PRKG1: variants seen among roughly 807,000 people sequenced by gnomAD.
PRKG1 encodes the protein cGMP-dependent protein kinase 1.
In PRKG1, 35 loss-of-function variants were observed where a neutral mutation model predicts 88.1. That is an observed-to-expected ratio of 0.40 (90% CI 0.30 to 0.53). The LOEUF (loss-of-function observed/expected upper bound fraction) is 0.53, where lower values mean the gene tolerates loss of function less well. PRKG1 is among the 20% of genes least tolerant of loss of function. The probability of loss-of-function intolerance (pLI) is 0.59; values close to 1 mark genes in which losing one functional copy is unlikely to be tolerated. For synonymous variants in PRKG1, 303 were observed against 292.5 expected, an observed-to-expected ratio of 1.04 and a Z score of -0.37; for missense variants, 540 against 839.8, an observed-to-expected ratio of 0.64 and a Z score of 4.41.
At chr10:52,231,552 T>C (rs1840522953) in intron 9 of PRKG1, among the ~76,000 whole-genome samples, 1 of 152,214 alleles carries the variant, frequency 6.6e-6, no homozygotes. Context: ...TGAAGAGTCT[T>C]TTGCTTATTA....
intron 4 of PRKG1, among the ~76,000 whole-genome samples, chr10:51,862,284 G>A (rs1296886711): frequency 2.0e-5 from 3 of 152,146 alleles, no homozygotes; most frequent in Admixed American, 1.3e-4. Context: ...CTCAGTAAAC[G>A]GGAGCTTGTG....
At chr10:51,733,712 C>G (rs1430163969) in intron 3 of PRKG1, among the ~76,000 whole-genome samples, 1 of 152,122 alleles carries the variant, frequency 6.6e-6, no homozygotes, top group Non-Finnish European at 1.5e-5. Flanking sequence ...ATACTGAGCT[C>G]GGCCATAAGT....
At chr10:52,047,524 A>G (rs778243912) in intron 5 of PRKG1, among the ~76,000 whole-genome samples, 2 of 152,158 alleles carry the variant, frequency 1.3e-5, no homozygotes, top group African/African-American at 2.4e-5. Flanking sequence ...AAGGATAGCA[A>G]TGGTGAGAAT....
At chr10:51,172,600 C>CTATGTATG (rs34401585) in intron 2 of PRKG1, among the ~76,000 whole-genome samples, 4 of 141,528 alleles carry the variant, frequency 2.8e-5, no homozygotes, top group Non-Finnish European at 6.2e-5. Context: ...CTATGTCTGT[C>CTATGTATG]TATGTATGTA....
intron 2 of PRKG1, among the ~76,000 whole-genome samples, chr10:51,410,258 G>GTGTA (rs752171833): frequency 1.6e-4 from 23 of 145,534 alleles, no homozygotes; most frequent in Non-Finnish European, 2.2e-4. Context: ...GTGTGTGTGT[G>GTGTA]TATATATATA....
chr10:51,884,154 T>C (rs1196284836), intron 4 of PRKG1, among the ~76,000 whole-genome samples: 3 of 151,630 alleles, frequency 2.0e-5, no homozygotes, highest in South Asian at 4.2e-4. Context: ...AGATTAATTA[T>C]AAGAAAAGTT....
chr10:51,269,355 C>T (rs1216784403), intron 2 of PRKG1, among the ~76,000 whole-genome samples: 1 of 152,044 alleles, frequency 6.6e-6, no homozygotes, highest in Non-Finnish European at 1.5e-5. Context: ...CCATTTAATC[C>T]ACTACTGGGT....
chr10:51,987,383 A>G (rs917126979), intron 5 of PRKG1, among the ~76,000 whole-genome samples: 2 of 152,090 alleles, frequency 1.3e-5, no homozygotes, highest in South Asian at 2.1e-4. Flanking sequence ...AAGGTTCAAG[A>G]AGGAAAACAA....
chr10:51,303,779 C>A (rs1288140422), intron 2 of PRKG1, among the ~76,000 whole-genome samples: 3 of 151,706 alleles, frequency 2.0e-5, no homozygotes, highest in Non-Finnish European at 4.4e-5. Context: ...AACTATTTTT[C>A]AATTTTAAAA....
intron 7 of PRKG1, among the ~76,000 whole-genome samples, chr10:52,079,104 C>A (rs1248704403): frequency 1.3e-5 from 2 of 152,236 alleles, no homozygotes; most frequent in African/African-American, 2.4e-5. Flanking sequence ...CAGGCTTGAA[C>A]ATTAAGGACA....
chr10:51,053,049 G>A (rs1328102559), intron 1 of PRKG1, among the ~76,000 whole-genome samples: 1 of 152,048 alleles, frequency 6.6e-6, no homozygotes, highest in Non-Finnish European at 1.5e-5. Flanking sequence ...GGCCAACATA[G>A]TGAAACCCCG....
intron 3 of PRKG1, among the ~76,000 whole-genome samples, chr10:51,520,065 A>G (rs1425902875): frequency 2.6e-5 from 4 of 152,124 alleles, no homozygotes; most frequent in Admixed American, 6.5e-5. Context: ...CTATATTAAC[A>G]AATCCTGGTA....
chr10:51,653,852 G>A (rs1840099802), intron 3 of PRKG1, among the ~76,000 whole-genome samples: 1 of 152,186 alleles, frequency 6.6e-6, no homozygotes, highest in Non-Finnish European at 1.5e-5. Flanking sequence ...ACAGGCATGA[G>A]CCACCACAGC....
chr10:51,684,442 T>A (rs1434174313), intron 3 of PRKG1, among the ~76,000 whole-genome samples: 1 of 152,066 alleles, frequency 6.6e-6, no homozygotes, highest in African/African-American at 2.4e-5. Context: ...AACCATTACA[T>A]TGGATGCTTT....
chr10:52,292,816 C>A (rs1842282854), intron 17 of PRKG1, among the ~76,000 whole-genome samples: 1 of 151,664 alleles, frequency 6.6e-6, no homozygotes, highest in South Asian at 2.1e-4. Flanking sequence ...ACTGAATGGG[C>A]AAAAACTGGA....
intron 2 of PRKG1, among the ~76,000 whole-genome samples, chr10:51,425,261 T>C (rs1364134850): frequency 1.3e-5 from 2 of 152,240 alleles, no homozygotes; most frequent in South Asian, 2.1e-4. Context: ...TTATTAATGT[T>C]TCTGATCATT....
Position 51,074,919 on chromosome 10 carries a change from G to T in PRKG1, c.311+18G>T. The T allele has an allele frequency of 1.3e-6, 2 of 1,578,158 alleles. No individual in the cohort carries two copies. Among genetic ancestry groups the T allele is most frequent in the Non-Finnish European group, 1.7e-6 (2 of 1,157,566 alleles). On this transcript the variant is annotated intron_variant, in intron 1 of 17. Coordinates refer to ENST00000373980, the MANE Select transcript of PRKG1 (RefSeq NM_006258.4). ...AGCCCACAGTAAGCAGGGGTGACGCGCCGGGTCCATGTGGCGCCCTGGCGA... is the reference window on the plus strand; with the variant it reads ...AGCCCACAGTAAGCAGGGGTGACGCTCCGGGTCCATGTGGCGCCCTGGCGA...
intron 7 of PRKG1, among the ~76,000 whole-genome samples, chr10:52,078,820 T>C (rs1221480271): frequency 3.3e-5 from 5 of 152,248 alleles, no homozygotes; most frequent in African/African-American, 1.2e-4. Context: ...AATAATTTTA[T>C]TTAAAGTAGC....
intron 1 of PRKG1, among the ~76,000 whole-genome samples, chr10:51,121,185 C>T (rs962663723): frequency 2.0e-5 from 3 of 152,102 alleles, no homozygotes; most frequent in African/African-American, 7.2e-5. Flanking sequence ...AGCAATCTTC[C>T]GAGCTCAATG....
Sources: allele counts gnomAD v4.1 joint callset (sites outside exome capture counted in the v4.1 genomes callset), GRCh38; gene constraint gnomAD v4.1.1; transcripts MANE v1.5; gene names NCBI Gene and HGNC (gene_info 2026-07-23, HGNC 2026-07-21).